The following RASAL3 variants were observed in gnomAD, a reference collection of about 807,000 sequenced individuals.
RASAL3 encodes the protein RAS protein activator like 3.
A neutral mutation model predicts 105.5 loss-of-function variants in RASAL3; 74 were observed. That is an observed-to-expected ratio of 0.70 (90% CI 0.58 to 0.85). The LOEUF is 0.85. Ranked by LOEUF, RASAL3 falls within the 40% of genes least tolerant of loss-of-function variation. RASAL3 has a pLI of 0.00. For synonymous variants in RASAL3, 579 were observed against 591.6 expected (o/e 0.98, Z 0.31); for missense variants, 1,352 against 1,392.0 (o/e 0.97, Z 0.46).
At position 15,451,840 on chromosome 19, in the gene RASAL3, T is replaced by C; in HGVS notation, c.2991A>G (p.Gln997=). The C allele has an allele frequency of 1.2e-6, 2 of 1,606,084 alleles. No homozygotes were observed. The highest frequency in any genetic ancestry group is 1.1e-5 in the South Asian group (1 of 90,866). The change falls in exon 18 of 18, where the codon CAA becomes CAG. Residue 997 remains glutamine (Q), a synonymous_variant. Coordinates refer to ENST00000343625, the MANE Select transcript of RASAL3 (RefSeq NM_022904.3). ...LSPRTRGSWS[Q]PQPLKAPCLN... The stretch of plus-strand genomic sequence containing the variant: ...GGCAGGGTGCTTTGAGGGGCTGGGG[T>C]TGACTCCAAGACCCCCGCGTCCTTG...
At chr19:15,463,159 C>G (rs973092197) in intron 2 of RASAL3, among the ~76,000 whole-genome samples, 1 of 150,892 alleles carries the variant, frequency 6.6e-6, no homozygotes, top group African/African-American at 2.4e-5. Flanking sequence ...AATCTCAGCT[C>G]ACTGCAACCT....
rs1352186342 is a variant in RASAL3 at position 15,457,980 on chromosome 19, G to A, written c.889-146C>T. 6.3e-6 allele frequency: 6 copies of A among 952,310 alleles called. No homozygotes were observed. The highest frequency in any genetic ancestry group is 9.3e-6 in the Non-Finnish European group (6 of 647,516). 59.0% of individuals were successfully genotyped at this position (952,310 alleles called of 1,614,324 possible). A position where few individuals can be genotyped will look rare whatever the true frequency, so the allele number is the denominator to read the frequency against. ...CCTTTGGGGAAAGAAGTGGAGCCAC[G>A]GGAGTCCGGAGGCGGTTACGCGGAA... On this transcript the variant is annotated intron_variant, in intron 8 of 17. Coordinates refer to ENST00000343625, the MANE Select transcript of RASAL3 (RefSeq NM_022904.3). This position sits in a 1 kb window ranked among gnomAD's most constrained non-coding sequence, Gnocchi z 8.6.
At chr19:15,461,145 G>T (rs1417287961) in intron 4 of RASAL3, 24 bp from the exon 5 acceptor site, 10 of 1,613,660 alleles carry the variant, frequency 6.2e-6, no homozygotes, top group East Asian at 2.2e-5. Context: ...TGGGTGGCAG[G>T]TTGGGGGGTT....
chr19:15,458,513 G>A lies in RASAL3; in HGVS notation c.789+16C>T. 6.2e-7 allele frequency: 1 copy of A among 1,613,832 alleles called. No individual in the cohort carries two copies. Among genetic ancestry groups the A allele is most frequent in the Non-Finnish European group, 8.5e-7 (1 of 1,179,810 alleles). On this transcript the variant is annotated intron_variant, in intron 7 of 17. Coordinates refer to ENST00000343625, the MANE Select transcript of RASAL3 (RefSeq NM_022904.3). ...GTGGGACTGAGGTGGAATCGAGGTGGACTGTCTACACTTACCTGAAAGCAG... is the reference window on the plus strand; with the variant it reads ...GTGGGACTGAGGTGGAATCGAGGTGAACTGTCTACACTTACCTGAAAGCAG...
chr19:15,460,394 G>A lies in RASAL3; in HGVS notation c.607-136C>T. 5.1e-6 allele frequency: 4 copies of A among 782,926 alleles called. No homozygotes were observed. The South Asian group carries it at 6.4e-5, about 13-fold the overall frequency. The allele number at this position is 782,926 out of a possible 1,614,324, so 48.5% of individuals were successfully genotyped here. A position where few individuals can be genotyped will look rare whatever the true frequency, so the allele number is the denominator to read the frequency against. On this transcript the variant is annotated intron_variant, in intron 5 of 17. Coordinates refer to ENST00000343625, the MANE Select transcript of RASAL3 (RefSeq NM_022904.3). ...CAGGCTGTATTAGCAGGAATAATAA[G>A]AGCAATCAGCAGCTCCTAATTCTTT...
intron 16 of RASAL3, chr19:15,452,355 A>G (rs1209111738): frequency 1.7e-6 from 1 of 590,400 alleles, no homozygotes; most frequent in East Asian, 2.8e-5. Flanking sequence ...GTCGTGACTG[A>G]GCTGGAGGGA....
At chr19:15,460,448 C>T (rs1299825604) in intron 5 of RASAL3, among the ~76,000 whole-genome samples, 190 bp from the exon 6 acceptor site, 5 of 152,146 alleles carry the variant, frequency 3.3e-5, no homozygotes, top group Admixed American at 1.3e-4. Context: ...GACAGGGTCT[C>T]GTGCTGTCGC....
At position 15,451,916 on chromosome 19, in the gene RASAL3, T is replaced by C; in HGVS notation, c.2915A>G (p.Glu972Gly). Residue 972 changes from glutamate (E) to glycine (G), a missense_variant, in exon 18 of 18, where the codon GAG (glutamate) becomes GGG (glycine). Around this residue, in one of 3 missense-constraint regions of RASAL3, gnomAD observed 920 missense variants for 919.6 expected, o/e 1.00. Transcript: ENST00000343625. ...ATCCCTCAGCTGAGCCTGAGTTCTC[T>C]CCATCTCATTTAGGCGGTGCTCCTG... ...KNLEHRLNEM[E>G]RTQAQLRDAV... 1 of 1,608,508 alleles carries C rather than the reference T, an allele frequency of 6.2e-7. No homozygotes were observed. The highest frequency in any genetic ancestry group is 8.5e-7 in the Non-Finnish European group (1 of 1,175,364).
At position 15,456,252 on chromosome 19, in the gene RASAL3, C is replaced by A; in HGVS notation, c.1577-4G>T. The A allele has an allele frequency of 1.2e-6, 2 of 1,612,002 alleles. No individual in the cohort carries two copies. The highest frequency in any genetic ancestry group is 1.1e-5 in the South Asian group (1 of 91,018). On this transcript the variant is annotated splice_region_variant and splice_polypyrimidine_tract_variant and intron_variant, in intron 10 of 17. Transcript: ENST00000343625. The surrounding 1 kb of genome is among the most constrained non-coding windows in gnomAD (Gnocchi z 4.4). ...CAGAGACGCCGCACAACCTGTCCTG[C>A]AGCCCAGCACAGCCAGATAGGGGCT...
chr19:15,461,316 G>T lies in RASAL3; in HGVS notation c.466-20C>A. 1.2e-6 allele frequency: 2 copies of T among 1,608,954 alleles called. No individual in the cohort carries two copies. The highest frequency in any genetic ancestry group is 2.2e-5 in the South Asian group (2 of 90,470). On this transcript the variant is annotated intron_variant, in intron 3 of 17. Transcript: ENST00000343625. The stretch of plus-strand genomic sequence containing the variant: ...AGGACCCTGTTCTCCCGCAGGAGTG[G>T]GTAGTCAGAGAGGGGAGGCAGGCAG...
chr19:15,458,675 G>T lies in RASAL3; in HGVS notation c.663-20C>A. On this transcript the variant is annotated intron_variant, in intron 6 of 17. Coordinates refer to ENST00000343625, the MANE Select transcript of RASAL3 (RefSeq NM_022904.3). ...GGGGGTCTGGGAAGGGGGTGGGTGA[G>T]CACACCGTCATTCCTGCCTCTTCCC... 1 of 1,608,958 alleles carries T rather than the reference G, an allele frequency of 6.2e-7. No individual in the cohort carries two copies. The highest frequency in any genetic ancestry group is 8.5e-7 in the Non-Finnish European group (1 of 1,177,890).
rs753626172 is a variant in RASAL3, at chr19:15,456,209, C to G, written c.1616G>C (p.Cys539Ser). 2 of 1,613,746 alleles carry G rather than the reference C, an allele frequency of 1.2e-6. No homozygotes were observed. Among genetic ancestry groups the G allele is most frequent in the African/African-American group, 2.7e-5 (2 of 74,896 alleles). The change falls in exon 11 of 18, where the codon TGT (cysteine) becomes TCT (serine). Residue 539 changes from cysteine (C) to serine (S), a missense_variant. Physicochemically the swap from Cys to Ser is moderately radical, Grantham distance 112. Coordinates refer to ENST00000343625, the MANE Select transcript of RASAL3 (RefSeq NM_022904.3). This position sits in a 1 kb window ranked among gnomAD's most constrained non-coding sequence, Gnocchi z 4.4. ...TGGACATTTGCTGGGGTCCACTTCA[C>G]AGTCCTCAGTAGAAGCACAGAGACG... ...VRRLCASTED[C>S]EVDPSKCPAS...
At chr19:15,452,904 C>A (rs1160632238) in intron 15 of RASAL3, 89 bp from the exon 16 acceptor site, 3 of 1,464,042 alleles carry the variant, frequency 2.0e-6, no homozygotes. Flanking sequence ...AAGCGCTCAG[C>A]GTCATCACCG....
rs1009406572 is a variant in RASAL3, at chr19:15,453,897, C to T, written c.2279+252G>A. Among the ~76,000 whole-genome samples, 3 of 152,140 alleles carry T rather than the reference C, an allele frequency of 2.0e-5. No homozygotes were observed. Among genetic ancestry groups the T allele is most frequent in the East Asian group, 1.9e-4 (1 of 5,184 alleles). On this transcript the variant is annotated intron_variant, in intron 14 of 17. Transcript: ENST00000343625. The surrounding 1 kb of genome is among the most constrained non-coding windows in gnomAD (Gnocchi z 4.2). ...CAGGCATGAGCCACTGAGCCTGGCT[C>T]CTGTCCTTGACTTCTGACTATAATA... is the stretch of plus-strand genomic sequence containing the variant.
At chr19:15,460,607 C>G (rs558429895) in intron 5 of RASAL3, among the ~76,000 whole-genome samples, 1 of 152,246 alleles carries the variant, frequency 6.6e-6, no homozygotes, top group East Asian at 1.9e-4. Context: ...GTCTTGAACT[C>G]CTGGTCTCAA....
At position 15,457,282 on chromosome 19, in the gene RASAL3, G is replaced by C; in HGVS notation, c.1431+10C>G. 3 of 1,276,626 alleles carry C rather than the reference G, an allele frequency of 2.3e-6. No homozygotes were observed. Among genetic ancestry groups the C allele is most frequent in the Non-Finnish European group, 3.0e-6 (3 of 1,011,502 alleles). 79.1% of individuals were successfully genotyped at this position (1,276,626 alleles called of 1,614,324 possible). On this transcript the variant is annotated intron_variant, in intron 9 of 17. Coordinates refer to ENST00000343625, the MANE Select transcript of RASAL3 (RefSeq NM_022904.3). The surrounding 1 kb of genome is among the most constrained non-coding windows in gnomAD (Gnocchi z 8.6). ...TGGTAGCCCCGGTCCGCGCTGTCGC[G>C]GTGCCGCACCTGCGCCCGGCCGGTG...
rs1970248913 is a variant in RASAL3 at position 15,454,281 on chromosome 19, C to T, written c.2161-14G>A. 2.6e-6 allele frequency: 4 copies of T among 1,564,060 alleles called. No homozygotes were observed. The highest frequency in any genetic ancestry group is 2.6e-6 in the Non-Finnish European group (3 of 1,153,864). On this transcript the variant is annotated splice_polypyrimidine_tract_variant and intron_variant, in intron 13 of 17. Transcript: ENST00000343625. ...GTCTCGGGTTGTCTGGTGAGGCATG[C>T]AGGACAGAGACTGAGCAAAGTCTCC...
Position 15,454,808 on chromosome 19 carries a change from G to A in RASAL3, c.1807C>T (p.Leu603=). The A allele has an allele frequency of 1.3e-6, 2 of 1,593,892 alleles. No individual in the cohort carries two copies. The highest frequency in any genetic ancestry group is 1.7e-6 in the Non-Finnish European group (2 of 1,170,468). ...ERGSEVLGPR[L]VCASLFLRLL... ...CGCAGGAAGAGGGAGGCGCACACCA[G>A]TCGGGGGCCCAGCACCTCAGAGCCA... Residue 603 remains leucine (L), a synonymous_variant, in exon 12 of 18, where the codon CTG becomes TTG. Transcript: ENST00000343625.
chr19:15,461,988 CTTTTTTTG>C (rs1021861428), intron 2 of RASAL3, among the ~76,000 whole-genome samples: 14 of 152,234 alleles, frequency 9.2e-5, no homozygotes, highest in South Asian at 2.1e-4. Flanking sequence ...CTCTCTCTCT[CTTTTTTTG>C]TTTTTTTGTT....
Sources: allele counts gnomAD v4.1 joint callset (sites outside exome capture counted in the v4.1 genomes callset), GRCh38; gene constraint gnomAD v4.1.1; regional missense constraint gnomAD v4.1.1; non-coding constraint Gnocchi (gnomAD v3.1); transcripts MANE v1.5; gene names NCBI Gene and HGNC (gene_info 2026-07-23, HGNC 2026-07-21).